Variants in BCLAF3 observed in about 807,000 individuals in gnomAD.
BCLAF3 encodes the protein transient octamer binding factor 1.
Under a neutral mutation model 51.2 loss-of-function variants are expected in BCLAF3, and 24 were observed. The ratio of observed to expected loss-of-function variants is 0.47; its 90% CI spans 0.34 to 0.66. The LOEUF (loss-of-function observed/expected upper bound fraction) is 0.66. BCLAF3 is among the 30% of genes least tolerant of loss of function. BCLAF3 has a pLI of 0.01. For synonymous variants in BCLAF3, 152 were observed against 176.6 expected (o/e 0.86, Z 1.10); for missense variants, 465 against 525.1 (o/e 0.89, Z 1.12).
chrX:19,975,644 C>G, intron 1 of BCLAF3, among the ~76,000 whole-genome samples: 1 of 112,044 alleles, frequency 8.9e-6, no homozygotes, highest in Non-Finnish European at 1.9e-5. Flanking sequence ...GCGCCCGGCC[C>G]ATGCCCAGCT....
chrX:19,925,101 G>A (rs1043619894), intron 11 of BCLAF3, among the ~76,000 whole-genome samples: 3 of 111,562 alleles, frequency 2.7e-5, no homozygotes, highest in African/African-American at 9.8e-5. Context: ...TACTGCTTGG[G>A]AATCTGACTA....
chrX:19,946,267 G>A (rs1466494996), intron 8 of BCLAF3, among the ~76,000 whole-genome samples: 2 of 112,501 alleles, frequency 1.8e-5, no homozygotes, highest in East Asian at 5.6e-4. Flanking sequence ...GTAGACCGGG[G>A]CTGTTCCCAT....
chrX:19,937,535 A>C lies in BCLAF3; in HGVS notation c.1746-3T>G, dbSNP rs2070816850. 1.1e-6 allele frequency: 1 copy of C among 949,326 alleles called. No homozygotes were observed. The highest frequency in any genetic ancestry group is 1.5e-6 in the Non-Finnish European group (1 of 683,012). The allele number at this position is 949,326 out of a possible 1,213,427, so 78.2% of individuals were successfully genotyped here. On this transcript the variant is annotated splice_region_variant and splice_polypyrimidine_tract_variant and intron_variant, in intron 8 of 11. Coordinates refer to ENST00000379682, the MANE Select transcript of BCLAF3 (RefSeq NM_001367774.2). ...AAAAACTGGAATTCTGATCATCCCT[A>C]ATAAGGAAACAGAGAAAATAAGAAT...
At position 19,955,495 on chromosome X, in the gene BCLAF3, T is replaced by C. The variant is rs778265951; in HGVS notation, c.1346A>G (p.Asn449Ser). Residue 449 changes from asparagine (N) to serine (S), a missense_variant, in exon 5 of 12, where the codon AAC becomes AGC. Asn to Ser is a conservative substitution (Grantham distance 46). Coordinates refer to ENST00000379682, the MANE Select transcript of BCLAF3 (RefSeq NM_001367774.2). ...DLVAVGRKSE[N>S]FHPVFEHLDS... ...AAGATGTTCAAACACTGGATGAAAG[T>C]TCTCACTTTTCCTGCCAACAGCAAC... 6.6e-6 allele frequency: 8 copies of C among 1,204,093 alleles called. No homozygotes were observed. The South Asian group carries it at 1.4e-4, about 22-fold the overall frequency.
intron 11 of BCLAF3, among the ~76,000 whole-genome samples, chrX:19,926,945 G>A (rs1280193147): frequency 4.5e-5 from 5 of 111,619 alleles, no homozygotes; most frequent in Non-Finnish European, 9.4e-5. Context: ...AAAGAGATGC[G>A]GCCGGGTGCG....
At chrX:19,977,833 A>G (rs2072477138) in intron 1 of BCLAF3, among the ~76,000 whole-genome samples, 1 of 111,695 alleles carries the variant, frequency 9.0e-6, no homozygotes, top group African/African-American at 3.3e-5. Context: ...GGGCTAATGC[A>G]GCTATGACTT....
intron 4 of BCLAF3, among the ~76,000 whole-genome samples, chrX:19,957,750 G>A (rs1205684630): frequency 4.5e-5 from 5 of 110,993 alleles, no homozygotes; most frequent in Non-Finnish European, 7.5e-5. Context: ...TCTACTACAA[G>A]ATCTTTAATA....
intron 8 of BCLAF3, among the ~76,000 whole-genome samples, chrX:19,940,016 G>T (rs185952611): frequency 6.3e-4 from 70 of 111,941 alleles, no homozygotes; most frequent in Middle Eastern, 4.6e-3. Flanking sequence ...GGTGGTGATT[G>T]TACAACACTG....
chrX:19,919,563 T>C (rs2070059263), intron 11 of BCLAF3, among the ~76,000 whole-genome samples: 1 of 106,180 alleles, frequency 9.4e-6, no homozygotes, highest in South Asian at 4.2e-4. Context: ...AAAACAAAAA[T>C]ATGGTTGCGT....
chrX:19,938,897 C>G (rs1331535264), intron 8 of BCLAF3, among the ~76,000 whole-genome samples: 2 of 112,359 alleles, frequency 1.8e-5, no homozygotes, highest in African/African-American at 6.5e-5. Context: ...GCCCATGTAG[C>G]ATTTTTAGGT....
chrX:19,922,613 A>C (rs1374828654), intron 11 of BCLAF3, among the ~76,000 whole-genome samples: 1 of 111,323 alleles, frequency 9.0e-6, no homozygotes, highest in African/African-American at 3.3e-5. Context: ...AATTCTATGG[A>C]GGGGCCAGGT....
At chrX:19,956,876 C>G (rs1050216453) in intron 4 of BCLAF3, among the ~76,000 whole-genome samples, 1 of 111,715 alleles carries the variant, frequency 9.0e-6, no homozygotes, top group African/African-American at 3.3e-5. Flanking sequence ...AGAAAGCAAA[C>G]AGACAGATGT....
At position 19,937,412 on chromosome X, in the gene BCLAF3, T is replaced by A. The variant is rs1201611626; in HGVS notation, c.1860+6A>T. The stretch of plus-strand genomic sequence containing the variant: ...AAAAATGCAAATTTTGGAACTGCAA[T>A]CTTACCATGTAAGGTTTTTCAATAC... On this transcript the variant is annotated splice_donor_region_variant and intron_variant, in intron 9 of 11. Transcript: ENST00000379682. 1 of 1,041,530 alleles carries A rather than the reference T, an allele frequency of 9.6e-7. No individual in the cohort carries two copies. The highest frequency in any genetic ancestry group is 1.8e-5 in the African/African-American group (1 of 54,493). 85.8% of individuals were successfully genotyped at this position (1,041,530 alleles called of 1,213,427 possible). A position where few individuals can be genotyped will look rare whatever the true frequency, so the allele number is the denominator to read the frequency against.
intron 1 of BCLAF3, among the ~76,000 whole-genome samples, chrX:19,977,728 T>C (rs896836644): frequency 1.8e-5 from 2 of 112,492 alleles, no homozygotes; most frequent in Non-Finnish European, 3.8e-5. Flanking sequence ...TCAGTGTAGA[T>C]GAAACAGCCT....
At chrX:19,980,413 G>C (rs888057294) in intron 1 of BCLAF3, among the ~76,000 whole-genome samples, 1 of 111,834 alleles carries the variant, frequency 8.9e-6, no homozygotes, top group Non-Finnish European at 1.9e-5. Context: ...CATCAGTCAC[G>C]AAGTTCCTTA....
chrX:19,952,213 G>T (rs765585977), intron 7 of BCLAF3, among the ~76,000 whole-genome samples: 1 of 111,513 alleles, frequency 9.0e-6, no homozygotes, highest in Admixed American at 9.5e-5. Context: ...AATATCATTT[G>T]TTCAACAAAT....
chrX:19,914,905 A>C lies in BCLAF3; in HGVS notation c.*2400T>G, dbSNP rs2069897464. On this transcript the variant is annotated 3_prime_UTR_variant, in exon 12 of 12. Coordinates refer to ENST00000379682, the MANE Select transcript of BCLAF3 (RefSeq NM_001367774.2). ...AATCAGAAATGTCAACTTTCCTCTC[A>C]ACCTTTTGTATATATGTCCACTAAA... 1 of 111,380 alleles carries C rather than the reference A, an allele frequency of 9.0e-6. No homozygotes were observed. Among genetic ancestry groups the C allele is most frequent in the South Asian group, 3.7e-4 (1 of 2,681 alleles). The allele number at this position is 111,380 out of a possible 1,213,427, so 9.2% of individuals were successfully genotyped here. A position where few individuals can be genotyped will look rare whatever the true frequency, so the allele number is the denominator to read the frequency against.
chrX:19,958,738 T>A (rs2071751372), intron 4 of BCLAF3, among the ~76,000 whole-genome samples: 1 of 112,485 alleles, frequency 8.9e-6, no homozygotes, highest in South Asian at 3.7e-4. Flanking sequence ...ATACACTCTA[T>A]GATCTTCAGA....
intron 10 of BCLAF3, chrX:19,930,567 G>A (rs1005312075): frequency 6.4e-5 from 14 of 218,045 alleles, no homozygotes; most frequent in Non-Finnish European, 1.2e-4. Context: ...GGAGGCTGAG[G>A]TGGGAGATAG....
Sources: gnomAD v4.1 joint callset for allele counts (sites outside exome capture counted in the v4.1 genomes callset) on GRCh38, gnomAD v4.1.1 for gene constraint, MANE v1.5 for transcripts, NCBI Gene and HGNC (gene_info 2026-07-23, HGNC 2026-07-21) for gene names.